Variants in PID1 observed in about 807,000 individuals in gnomAD.
PID1 encodes PTB-containing, cubilin and LRP1-interacting protein.
PID1 carries 10 observed loss-of-function variants against 19.1 expected under a neutral mutation model. The ratio of observed to expected loss-of-function variants is 0.52; its 90% CI spans 0.32 to 0.89. PID1 has a LOEUF of 0.89. Ranked by LOEUF, PID1 falls within the 40% of genes least tolerant of loss-of-function variation. The pLI, the probability that PID1 is intolerant of heterozygous loss-of-function variation, is 0.03. For synonymous variants in PID1, 130 were observed against 116.0 expected (o/e 1.12, Z -0.78); for missense variants, 248 against 285.3 (o/e 0.87, Z 0.94).
In PID1 at chr2:229,223,792, A is replaced by AT. The variant is rs568220157; in HGVS notation, c.30+47221dup. 2.3e-3 allele frequency among the ~76,000 whole-genome samples: 350 copies of AT among 152,228 alleles called. 1 individual carries two copies. The highest frequency in any genetic ancestry group is 0.014 in the Middle Eastern group (4 of 294). Reference sequence around the variant, plus strand: ...GACAAACACTCTCTATTTTTCTTTGATTTTAGATTCAGGGGATACCTATTC... The same window carrying AT: ...GACAAACACTCTCTATTTTTCTTTGATTTTTAGATTCAGGGGATACCTATTC... On this transcript the variant is annotated intron_variant, in intron 1 of 2. Transcript: ENST00000392055.
rs568175773 is a variant in PID1 at position 229,195,452 on chromosome 2, C to T, written c.31-39488G>A. Among the ~76,000 whole-genome samples, 133 of 151,864 alleles carry T rather than the reference C, an allele frequency of 8.8e-4. 2 individuals carry two copies. The highest frequency in any genetic ancestry group is 3.1e-3 in the African/African-American group (129 of 41,486). ...AACACATATACACATATTACACATA[C>T]ATATACATACATATATTCATATTTT... On this transcript the variant is annotated intron_variant, in intron 1 of 2. Transcript: ENST00000392055.
At chr2:229,097,253 C>A (rs778278365) in intron 2 of PID1, among the ~76,000 whole-genome samples, 1 of 152,196 alleles carries the variant, frequency 6.6e-6, no homozygotes, top group South Asian at 2.1e-4. Flanking sequence ...AGTAACAACC[C>A]CCTCGCCCCG....
intron 2 of PID1, among the ~76,000 whole-genome samples, chr2:229,082,238 A>T (rs888123533): frequency 2.0e-5 from 3 of 152,220 alleles, no homozygotes; most frequent in African/African-American, 7.2e-5. Flanking sequence ...AAGAAGGTAT[A>T]ATGTTGCATG....
chr2:229,151,091 C>T (rs1483846865), intron 2 of PID1, among the ~76,000 whole-genome samples: 1 of 152,038 alleles, frequency 6.6e-6, no homozygotes, highest in African/African-American at 2.4e-5. Flanking sequence ...AACTCACCTG[C>T]CAAATCAACT....
intron 1 of PID1, among the ~76,000 whole-genome samples, chr2:229,233,251 C>G (rs1006816750): frequency 2.6e-5 from 4 of 152,008 alleles, no homozygotes; most frequent in Non-Finnish European, 5.9e-5. Context: ...TTGTTCAAAG[C>G]TGGAGAGGTT....
chr2:229,147,352 A>T (rs943398904), intron 2 of PID1, among the ~76,000 whole-genome samples: 6 of 152,132 alleles, frequency 3.9e-5, no homozygotes, highest in Non-Finnish European at 8.8e-5. Context: ...AAACTAATTT[A>T]AAAAGTATTA....
At chr2:229,066,774 A>C (rs1694335597) in intron 2 of PID1, among the ~76,000 whole-genome samples, 1 of 151,918 alleles carries the variant, frequency 6.6e-6, no homozygotes, top group African/African-American at 2.4e-5. Flanking sequence ...AAGAAATCAA[A>C]TGGCTAAAGT....
intron 1 of PID1, among the ~76,000 whole-genome samples, chr2:229,166,056 T>C (rs1379650197): frequency 6.6e-6 from 1 of 152,160 alleles, no homozygotes; most frequent in Non-Finnish European, 1.5e-5. Flanking sequence ...GAGCAGAAAA[T>C]TAGAAACAAC....
intron 1 of PID1, among the ~76,000 whole-genome samples, chr2:229,202,128 G>T (rs1022576468): frequency 2.0e-5 from 3 of 151,976 alleles, no homozygotes; most frequent in Non-Finnish European, 2.9e-5. Flanking sequence ...GGAATCAATT[G>T]TCAAACATTT....
At chr2:229,252,342 C>T (rs927421328) in intron 1 of PID1, among the ~76,000 whole-genome samples, 6 of 152,172 alleles carry the variant, frequency 3.9e-5, no homozygotes, top group Admixed American at 2.0e-4. Context: ...TTCCACCTTA[C>T]TTGCAAAGTT....
intron 1 of PID1, among the ~76,000 whole-genome samples, chr2:229,208,033 C>T (rs1202985123): frequency 6.6e-6 from 1 of 152,206 alleles, no homozygotes; most frequent in Non-Finnish European, 1.5e-5. Flanking sequence ...AAAGCAACTG[C>T]AAGCTCCAGT....
chr2:229,094,401 T>C (rs559952105), intron 2 of PID1, among the ~76,000 whole-genome samples: 2 of 152,092 alleles, frequency 1.3e-5, no homozygotes, highest in Non-Finnish European at 2.9e-5. Context: ...GCAATTCCTA[T>C]CAAAATAATG....
At chr2:229,053,132 T>C (rs114206224) in intron 2 of PID1, among the ~76,000 whole-genome samples, 46 of 152,308 alleles carry the variant, frequency 3.0e-4, no homozygotes, top group African/African-American at 9.6e-4. Flanking sequence ...AATTAAAATA[T>C]ATGTGAGGCA....
chr2:229,108,523 C>T (rs562375874), intron 2 of PID1, among the ~76,000 whole-genome samples: 32 of 152,310 alleles, frequency 2.1e-4, no homozygotes, highest in Admixed American at 1.8e-3. Context: ...CCAGCCCTAC[C>T]TGGGAGGATC....
chr2:229,188,191 A>G (rs903895552), intron 1 of PID1, among the ~76,000 whole-genome samples: 2 of 151,024 alleles, frequency 1.3e-5, no homozygotes, highest in Non-Finnish European at 2.9e-5. Context: ...AAAAGAGTTG[A>G]CTCTGACCTA....
chr2:229,129,040 T>TAATA (rs1689653659), intron 2 of PID1, among the ~76,000 whole-genome samples: 1 of 152,010 alleles, frequency 6.6e-6, no homozygotes. Context: ...CACAAAAATT[T>TAATA]AATAAATAAA....
At chr2:229,266,233 G>A (rs1419589172) in intron 1 of PID1, among the ~76,000 whole-genome samples, 6 of 151,662 alleles carry the variant, frequency 4.0e-5, no homozygotes, top group African/African-American at 1.2e-4. Flanking sequence ...CTAAGCAACC[G>A]CTCTGAAAAT....
At chr2:229,061,426 G>C (rs1171165556) in intron 2 of PID1, among the ~76,000 whole-genome samples, 1 of 151,814 alleles carries the variant, frequency 6.6e-6, no homozygotes, top group African/African-American at 2.4e-5. Flanking sequence ...AAATTGGTGG[G>C]TAAATTTCTA....
intron 1 of PID1, among the ~76,000 whole-genome samples, chr2:229,179,284 C>T (rs1559271227): frequency 6.6e-6 from 1 of 152,162 alleles, no homozygotes; most frequent in Non-Finnish European, 1.5e-5. Flanking sequence ...ACCTCCATGG[C>T]TCCCATCAGC....
Sources: gnomAD v4.1 joint callset for allele counts (sites outside exome capture counted in the v4.1 genomes callset) on GRCh38, gnomAD v4.1.1 for gene constraint, MANE v1.5 for transcripts, NCBI Gene and HGNC (gene_info 2026-07-23, HGNC 2026-07-21) for gene names.